The following MYOF variants were observed in gnomAD, a reference collection of about 807,000 sequenced individuals.
MYOF encodes myoferlin.
Under a neutral mutation model 284.2 loss-of-function variants are expected in MYOF, and 244 were observed. The observed-to-expected ratio is 0.86, with a 90% CI of 0.77 to 0.95. The LOEUF is 0.95. Ranked by LOEUF, MYOF falls within the 40% of genes least tolerant of loss-of-function variation. The probability of loss-of-function intolerance (pLI) is 0.00; values close to 1 mark genes in which losing one functional copy is unlikely to be tolerated. For synonymous variants in MYOF, 904 were observed against 919.7 expected, an observed-to-expected ratio of 0.98 and a Z score of 0.31; for missense variants, 2,496 against 2,560.6, an observed-to-expected ratio of 0.97 and a Z score of 0.54.
chr10:93,369,515 A>G, intron 25 of MYOF, 130 bp downstream of exon 25: 1 of 1,320,620 alleles, frequency 7.6e-7, no homozygotes, highest in Non-Finnish European at 1.0e-6. Flanking sequence ...GATCCCTTCG[A>G]TGGGATTTTA....
intron 1 of MYOF, among the ~76,000 whole-genome samples, chr10:93,477,433 A>C (rs2057288039): frequency 6.6e-6 from 1 of 152,092 alleles, no homozygotes; most frequent in African/African-American, 2.4e-5. Flanking sequence ...TGGAAGTTGC[A>C]GTGAACCGAG....
At chr10:93,332,519 C>T (rs1441735260) in intron 43 of MYOF, among the ~76,000 whole-genome samples, 1 of 151,798 alleles carries the variant, frequency 6.6e-6, no homozygotes, top group Non-Finnish European at 1.5e-5. Flanking sequence ...CGTGCCTGGC[C>T]CTCACTCTTC....
chr10:93,412,203 GC>G (rs1488411378), intron 5 of MYOF, among the ~76,000 whole-genome samples: 3 of 152,194 alleles, frequency 2.0e-5, no homozygotes, highest in African/African-American at 7.2e-5. Flanking sequence ...TTTTCACACT[GC>G]CTCTCTGGTA....
chr10:93,431,595 C>T, intron 3 of MYOF, 79 bp from the exon 4 acceptor site: 1 of 1,007,654 alleles, frequency 9.9e-7, no homozygotes, highest in Non-Finnish European at 1.5e-6. Context: ...TCAACCCCTA[C>T]CTCTTCATCT....
intron 37 of MYOF, 77 bp from the exon 38 acceptor site, chr10:93,344,009 T>A: frequency 6.7e-7 from 1 of 1,491,122 alleles, no homozygotes; most frequent in Non-Finnish European, 9.3e-7. Context: ...AGTTCAAGTT[T>A]AACAGCCATA....
At chr10:93,475,213 T>A (rs1003334424) in intron 1 of MYOF, among the ~76,000 whole-genome samples, 1 of 152,186 alleles carries the variant, frequency 6.6e-6, no homozygotes, top group Non-Finnish European at 1.5e-5. Flanking sequence ...TTTTTCTGAT[T>A]GAGAACTGTG....
At chr10:93,330,486 G>A (rs894622660) in intron 43 of MYOF, among the ~76,000 whole-genome samples, 1 of 152,192 alleles carries the variant, frequency 6.6e-6, no homozygotes, top group Non-Finnish European at 1.5e-5. Context: ...ATTCACCATA[G>A]GGTGTGATAT....
At chr10:93,330,119 T>C (rs1471675867) in intron 43 of MYOF, among the ~76,000 whole-genome samples, 1 of 152,230 alleles carries the variant, frequency 6.6e-6, no homozygotes, top group East Asian at 1.9e-4. Flanking sequence ...CTAGACCAGT[T>C]ACTTCTCTGT....
chr10:93,329,922 T>A, intron 43 of MYOF, 88 bp from the exon 44 acceptor site: 1 of 1,396,238 alleles, frequency 7.2e-7, no homozygotes, highest in Non-Finnish European at 1.0e-6. Flanking sequence ...ATTCCCAGGC[T>A]GTGTGTAGTA....
At chr10:93,426,197 G>C in intron 4 of MYOF, 39 bp from the exon 5 acceptor site, 1 of 1,543,734 alleles carries the variant, frequency 6.5e-7, no homozygotes, top group East Asian at 2.4e-5. Flanking sequence ...TATCAGTGCA[G>C]GGCACCAGCA....
At chr10:93,418,545 C>T (rs886828710) in intron 5 of MYOF, among the ~76,000 whole-genome samples, 8 of 152,208 alleles carry the variant, frequency 5.3e-5, no homozygotes, top group East Asian at 1.9e-4. Flanking sequence ...TGCAGTCCTG[C>T]GGGGCAATTG....
At chr10:93,316,853 A>T in intron 49 of MYOF, 40 bp from the exon 50 acceptor site, 1 of 1,544,132 alleles carries the variant, frequency 6.5e-7, no homozygotes, top group Non-Finnish European at 8.9e-7. Context: ...ACTCTGAAAC[A>T]CTCACCTTTG....
At chr10:93,426,041 G>C in intron 5 of MYOF, 30 bp downstream of exon 5, 4 of 1,546,236 alleles carry the variant, frequency 2.6e-6, no homozygotes, top group Non-Finnish European at 3.5e-6. Context: ...CCCCCTGGGG[G>C]TGGCTGGGCC....
intron 42 of MYOF, 77 bp from the exon 43 acceptor site, chr10:93,333,389 C>T (rs1472961085): frequency 5.7e-6 from 7 of 1,233,632 alleles, no homozygotes; most frequent in African/African-American, 1.5e-5. Context: ...AGACTCAGCT[C>T]GCCTCCACAC....
chr10:93,397,263 G>A lies in MYOF; in HGVS notation c.1318C>T (p.Leu440=). 6.3e-7 allele frequency: 1 copy of A among 1,595,468 alleles called. No individual in the cohort carries two copies. The highest frequency in any genetic ancestry group is 1.7e-5 in the Admixed American group (1 of 59,538). The change falls in exon 15 of 54, where the codon CTA becomes TTA. Residue 440 remains leucine (L), a synonymous_variant. Transcript: ENST00000359263. ...KFPSVCEKIK[L]TIYDWDRLTK... ...TCAACTCACCAGTCATATATTGTTAGTTTTATTTTTTCACACACTGAAGGA... is the reference window on the plus strand; with the variant it reads ...TCAACTCACCAGTCATATATTGTTAATTTTATTTTTTCACACACTGAAGGA...
intron 5 of MYOF, among the ~76,000 whole-genome samples, chr10:93,414,964 G>A (rs1305616919): frequency 3.3e-5 from 5 of 152,118 alleles, no homozygotes; most frequent in African/African-American, 1.2e-4. Context: ...GGCTGGCCTC[G>A]AACTCCTGAC....
intron 5 of MYOF, among the ~76,000 whole-genome samples, chr10:93,418,777 G>T (rs1371760163): frequency 1.3e-5 from 2 of 152,212 alleles, no homozygotes; most frequent in Non-Finnish European, 2.9e-5. Context: ...CACGTTTAGA[G>T]ATATCCCTTG....
Position 93,448,548 on chromosome 10 carries a change from T to G in MYOF, c.236+3502A>C, listed in dbSNP as rs183891987. 9.0e-4 allele frequency among the ~76,000 whole-genome samples: 137 copies of G among 152,358 alleles called. 2 individuals carry two copies. The East Asian group carries it at 0.023, about 26-fold the overall frequency. On this transcript the variant is annotated intron_variant, in intron 3 of 53. Coordinates refer to ENST00000359263, the MANE Select transcript of MYOF (RefSeq NM_013451.4). ...GACTTTAAACCATAGATGAGAGTTT[T>G]GAGGCCAGCCCATTGCCATGCTAAA...
chr10:93,320,019 A>G lies in MYOF; in HGVS notation c.5457-6T>C, dbSNP rs1448011602. The G allele has an allele frequency of 2.4e-5, 39 of 1,614,130 alleles. No individual in the cohort carries two copies. The highest frequency in any genetic ancestry group is 3.2e-5 in the Non-Finnish European group (38 of 1,179,956). Reference sequence around the variant, plus strand: ...CTTCATTGCCAGGAATCCAGCTGAAAGGCAGAGGCAAACAGACTTAGCTTC... The same window carrying G: ...CTTCATTGCCAGGAATCCAGCTGAAGGGCAGAGGCAAACAGACTTAGCTTC... On this transcript the variant is annotated splice_polypyrimidine_tract_variant and splice_region_variant and intron_variant, in intron 48 of 53. Transcript: ENST00000359263.
Sources: gnomAD v4.1 joint callset for allele counts (sites outside exome capture counted in the v4.1 genomes callset) on GRCh38, gnomAD v4.1.1 for gene constraint, MANE v1.5 for transcripts, NCBI Gene and HGNC (gene_info 2026-07-23, HGNC 2026-07-21) for gene names.